The following SOX6 variants were observed in gnomAD, a reference collection of about 807,000 sequenced individuals.
SOX6 encodes the protein transcription factor SOX-6.
Under a neutral mutation model 97.8 loss-of-function variants are expected in SOX6, and 11 were observed. That is an observed-to-expected ratio of 0.11 (90% CI 0.07 to 0.19). SOX6 has a LOEUF of 0.19. SOX6 is among the 10% of genes least tolerant of loss of function. SOX6 has a pLI of 1.00. For synonymous variants in SOX6, 360 were observed against 371.4 expected, an observed-to-expected ratio of 0.97 and a Z score of 0.35; for missense variants, 810 against 1,039.5, an observed-to-expected ratio of 0.78 and a Z score of 3.04.
chr11:16,231,982 A>G (rs1242609956), intron 4 of SOX6, among the ~76,000 whole-genome samples: 1 of 151,880 alleles, frequency 6.6e-6, no homozygotes. Context: ...GAATTAAAAG[A>G]TAATTTCACT....
intron 4 of SOX6, among the ~76,000 whole-genome samples, chr11:16,539,796 C>G (rs1466466125): frequency 6.6e-6 from 1 of 152,082 alleles, no homozygotes; most frequent in Non-Finnish European, 1.5e-5. Context: ...CTGAATAGAC[C>G]AATAACAGGT....
At chr11:16,322,542 T>C (rs1233457431) in intron 2 of SOX6, among the ~76,000 whole-genome samples, 2 of 152,158 alleles carry the variant, frequency 1.3e-5, no homozygotes, top group East Asian at 3.8e-4. Context: ...TAAACCAATG[T>C]CCAATGATAA....
intron 3 of SOX6, among the ~76,000 whole-genome samples, chr11:16,693,697 G>C (rs916864686): frequency 9.9e-5 from 15 of 151,972 alleles, no homozygotes; most frequent in Non-Finnish European, 1.6e-4. Flanking sequence ...TATACTCCTG[G>C]ATGTAAATGT....
intron 3 of SOX6, among the ~76,000 whole-genome samples, chr11:16,659,648 A>G (rs1271060030): frequency 6.6e-6 from 1 of 152,244 alleles, no homozygotes; most frequent in Non-Finnish European, 1.5e-5. Context: ...GCCACATAGC[A>G]TAAGTTAGGA....
intron 1 of SOX6, among the ~76,000 whole-genome samples, chr11:16,395,742 A>G (rs1858335067): frequency 6.6e-6 from 1 of 151,832 alleles, no homozygotes; most frequent in African/African-American, 2.4e-5. Context: ...ATGGAATTTA[A>G]GCATATATTA....
chr11:16,572,588 A>G (rs1847948958), intron 4 of SOX6, among the ~76,000 whole-genome samples: 1 of 152,140 alleles, frequency 6.6e-6, no homozygotes, highest in Non-Finnish European at 1.5e-5. Flanking sequence ...CAGTTGCAAG[A>G]CTTCTCATCT....
intron 3 of SOX6, among the ~76,000 whole-genome samples, chr11:16,655,094 G>A (rs1051861858): frequency 4.6e-5 from 7 of 152,172 alleles, no homozygotes; most frequent in African/African-American, 1.7e-4. Context: ...TTGAGTGAAG[G>A]GAGAATTCAC....
intron 4 of SOX6, among the ~76,000 whole-genome samples, chr11:16,502,721 C>T (rs971150718): frequency 1.3e-5 from 2 of 152,218 alleles, no homozygotes; most frequent in African/African-American, 2.4e-5. Context: ...ATCTGTGGGA[C>T]ACCATAAAGT....
At chr11:16,097,736 T>A in intron 7 of SOX6, 48 bp from the exon 8 acceptor site, 1 of 1,519,062 alleles carries the variant, frequency 6.6e-7, no homozygotes, top group South Asian at 1.1e-5. Context: ...CACAGGGAAT[T>A]GCAGCAGACA....
At chr11:16,154,600 T>C (rs1226927017) in intron 6 of SOX6, among the ~76,000 whole-genome samples, 1 of 152,096 alleles carries the variant, frequency 6.6e-6, no homozygotes, top group Non-Finnish European at 1.5e-5. Flanking sequence ...AGTACAGTGG[T>C]CTTCTGAATC....
intron 3 of SOX6, among the ~76,000 whole-genome samples, chr11:16,277,558 G>GA (rs1196244360): frequency 2.0e-5 from 3 of 152,130 alleles, no homozygotes; most frequent in East Asian, 3.8e-4. Context: ...AGAATAAAAA[G>GA]AAAAAATTGG....
intron 4 of SOX6, among the ~76,000 whole-genome samples, chr11:16,201,145 T>C (rs933527600): frequency 3.3e-5 from 5 of 151,706 alleles, no homozygotes; most frequent in Admixed American, 1.3e-4. Context: ...CTTTAAGGAT[T>C]CCATCATGTG....
At chr11:16,215,239 T>C (rs1565025344) in intron 4 of SOX6, among the ~76,000 whole-genome samples, 4 of 152,310 alleles carry the variant, frequency 2.6e-5, no homozygotes, top group South Asian at 2.1e-4. Flanking sequence ...AAAATTATGG[T>C]ACGAATAGAA....
intron 6 of SOX6, among the ~76,000 whole-genome samples, chr11:16,163,150 TATCTC>T (rs1361967230): frequency 2.6e-5 from 4 of 151,850 alleles, no homozygotes; most frequent in African/African-American, 4.8e-5. Flanking sequence ...AAAAAGAAAA[TATCTC>T]ATACAGAGAA....
intron 12 of SOX6, among the ~76,000 whole-genome samples, chr11:16,037,211 A>G (rs1855541752): frequency 6.6e-6 from 1 of 152,216 alleles, no homozygotes; most frequent in Admixed American, 6.5e-5. Flanking sequence ...TATTTAAAAA[A>G]TGTTTAGTAC....
intron 3 of SOX6, among the ~76,000 whole-genome samples, chr11:16,695,148 A>G (rs945358257): frequency 1.3e-5 from 2 of 152,180 alleles, no homozygotes; most frequent in Admixed American, 1.3e-4. Context: ...GTAATTCACC[A>G]AAGGAAAAAG....
At chr11:16,280,795 T>C (rs1854536314) in intron 3 of SOX6, among the ~76,000 whole-genome samples, 1 of 152,134 alleles carries the variant, frequency 6.6e-6, no homozygotes, top group Non-Finnish European at 1.5e-5. Flanking sequence ...AAGGTGTTCA[T>C]ATTGTATGGT....
In SOX6 at chr11:16,633,920, T is replaced by TA. The variant is rs749843082; in HGVS notation, n.430-21661dup. On this transcript the variant is annotated intron_variant and non_coding_transcript_variant, in intron 3 of 5. Coordinates refer to the SOX6 transcript ENST00000524520. ...AACATCAGCTTCATTTGTAGGACTATAAAATAATCTAAAAGCTAAGCAACA... is the reference window on the plus strand; with the variant it reads ...AACATCAGCTTCATTTGTAGGACTATAAAAATAATCTAAAAGCTAAGCAACA... Among the ~76,000 whole-genome samples the TA allele has an allele frequency of 3.9e-5, 6 of 152,284 alleles. No homozygotes were observed. In the East Asian group the frequency reaches 7.7e-4, roughly 20 times the overall value.
intron 9 of SOX6, 104 bp downstream of exon 9, chr11:16,095,892 T>A: frequency 1.6e-6 from 2 of 1,260,916 alleles, no homozygotes; most frequent in Non-Finnish European, 1.1e-6. Context: ...AGTTCAGTGT[T>A]TAGGTTGAGT....
Sources: gnomAD v4.1 joint callset for allele counts (sites outside exome capture counted in the v4.1 genomes callset) on GRCh38, gnomAD v4.1.1 for gene constraint, MANE v1.5 for transcripts, NCBI Gene and HGNC (gene_info 2026-07-23, HGNC 2026-07-21) for gene names.